The following TMEM132D variants were observed in gnomAD, a reference collection of about 807,000 sequenced individuals.
TMEM132D encodes transmembrane protein 132D, also known as mature OL transmembrane protein.
TMEM132D carries 21 observed loss-of-function variants against 62.3 expected under a neutral mutation model. The ratio of observed to expected loss-of-function variants is 0.34; its 90% CI spans 0.24 to 0.49. TMEM132D has a LOEUF of 0.49. TMEM132D is among the 20% of genes least tolerant of loss of function. The probability of loss-of-function intolerance (pLI) is 0.99; values close to 1 mark genes in which losing one functional copy is unlikely to be tolerated. For synonymous variants in TMEM132D, 621 were observed against 575.6 expected, an observed-to-expected ratio of 1.08 and a Z score of -1.13; for missense variants, 1,346 against 1,402.8, an observed-to-expected ratio of 0.96 and a Z score of 0.65.
At chr12:129,496,671 A>T (rs950149415) in intron 3 of TMEM132D, among the ~76,000 whole-genome samples, 1 of 29,438 alleles carries the variant, frequency 3.4e-5, no homozygotes, top group Non-Finnish European at 5.6e-5. Context: ...AACTTACATT[A>T]AAAAAAAAAT....
intron 1 of TMEM132D, among the ~76,000 whole-genome samples, chr12:129,767,837 A>C (rs1414090400): frequency 1.3e-5 from 2 of 152,188 alleles, no homozygotes; most frequent in Non-Finnish European, 2.9e-5. Flanking sequence ...AAGACTTGGT[A>C]ATTCACAAGG....
intron 4 of TMEM132D, among the ~76,000 whole-genome samples, chr12:129,300,454 T>C (rs1405240849): frequency 6.6e-6 from 1 of 152,222 alleles, no homozygotes; most frequent in Non-Finnish European, 1.5e-5. Context: ...ACACGTGCAA[T>C]GCACCTGTTA....
In TMEM132D at chr12:129,643,104, T is replaced by C. The variant is rs1048215913; in HGVS notation, c.968+56706A>G. Among the ~76,000 whole-genome samples the C allele has an allele frequency of 3.3e-5, 5 of 152,104 alleles. No individual in the cohort carries two copies. In the East Asian group the frequency reaches 5.8e-4, roughly 18 times the overall value. ...CACGCCCGACTAATTTTCGTATTTT[T>C]AGTAGAGACGGAGTTTTACCATGTT... On this transcript the variant is annotated intron_variant, in intron 2 of 8. Transcript: ENST00000422113.
At chr12:129,263,026 C>G (rs1880593033) in intron 4 of TMEM132D, among the ~76,000 whole-genome samples, 1 of 152,170 alleles carries the variant, frequency 6.6e-6, no homozygotes. Flanking sequence ...AAAGTCGCGT[C>G]TGAGAACGTA....
intron 5 of TMEM132D, among the ~76,000 whole-genome samples, chr12:129,109,309 T>C (rs1287463447): frequency 6.6e-6 from 1 of 152,194 alleles, no homozygotes; most frequent in Non-Finnish European, 1.5e-5. Context: ...TGTGTGACCT[T>C]GGACAAGTCA....
intron 5 of TMEM132D, among the ~76,000 whole-genome samples, chr12:129,146,052 A>G (rs770404807): frequency 6.7e-6 from 1 of 150,114 alleles, no homozygotes; most frequent in Non-Finnish European, 1.5e-5. Flanking sequence ...GCTAATTAGC[A>G]TAACCATCAC....
chr12:129,303,756 T>C (rs921212764), intron 4 of TMEM132D, among the ~76,000 whole-genome samples: 2 of 151,848 alleles, frequency 1.3e-5, no homozygotes, highest in Non-Finnish European at 2.9e-5. Flanking sequence ...TGATCTACCA[T>C]TGGCAAGCTG....
At chr12:129,686,477 C>T (rs1593119920) in intron 2 of TMEM132D, among the ~76,000 whole-genome samples, 1 of 152,264 alleles carries the variant, frequency 6.6e-6, no homozygotes, top group East Asian at 1.9e-4. Context: ...CCTGAGGCCT[C>T]CCCAGTCCTG....
intron 3 of TMEM132D, among the ~76,000 whole-genome samples, chr12:129,499,349 A>C (rs76698368): frequency 2.1e-3 from 325 of 152,332 alleles, no homozygotes; most frequent in African/African-American, 7.6e-3. Context: ...AACTTGTTGA[A>C]CCAGGGGAAT....
intron 2 of TMEM132D, among the ~76,000 whole-genome samples, chr12:129,591,719 C>T (rs2137135372): frequency 6.6e-6 from 1 of 151,680 alleles, no homozygotes; most frequent in Middle Eastern, 3.4e-3. Context: ...GCTTTTTTCC[C>T]CCTCTAATGA....
intron 3 of TMEM132D, among the ~76,000 whole-genome samples, chr12:129,510,777 T>G (rs1381669623): frequency 6.6e-6 from 1 of 152,170 alleles, no homozygotes; most frequent in African/African-American, 2.4e-5. Context: ...TTTTGCCATT[T>G]CTTTCAGCAC....
chr12:129,774,341 A>G (rs1328760510), intron 1 of TMEM132D, among the ~76,000 whole-genome samples: 1 of 152,128 alleles, frequency 6.6e-6, no homozygotes, highest in Non-Finnish European at 1.5e-5. Flanking sequence ...CCCACCCTTC[A>G]GATCTCAAGG....
intron 4 of TMEM132D, among the ~76,000 whole-genome samples, chr12:129,308,262 T>C (rs1344840104): frequency 6.6e-6 from 1 of 152,216 alleles, no homozygotes; most frequent in African/African-American, 2.4e-5. Flanking sequence ...TCCTTCTCTG[T>C]CTCCTACATC....
At chr12:129,187,373 G>A (rs1878247989) in intron 5 of TMEM132D, among the ~76,000 whole-genome samples, 1 of 152,200 alleles carries the variant, frequency 6.6e-6, no homozygotes, top group South Asian at 2.1e-4. Context: ...GAGGAGGGAT[G>A]GGAGAACATT....
chr12:129,171,813 C>A (rs1056418031), intron 5 of TMEM132D, among the ~76,000 whole-genome samples: 1 of 152,160 alleles, frequency 6.6e-6, no homozygotes, highest in Admixed American at 6.5e-5. Context: ...AGATACGCTG[C>A]GATACAGGCT....
At chr12:129,316,122 GT>G (rs1411567504) in intron 4 of TMEM132D, among the ~76,000 whole-genome samples, 1 of 151,734 alleles carries the variant, frequency 6.6e-6, no homozygotes, top group African/African-American at 2.4e-5. Context: ...TTGTATTTTT[GT>G]TGTTGTTCTT....
At chr12:129,242,273 A>G (rs923533303) in intron 4 of TMEM132D, among the ~76,000 whole-genome samples, 3 of 152,252 alleles carry the variant, frequency 2.0e-5, no homozygotes, top group African/African-American at 7.2e-5. Flanking sequence ...GTTTTCAACC[A>G]AGAAGAGGAG....
At chr12:129,678,112 TA>T (rs199868499) in intron 2 of TMEM132D, among the ~76,000 whole-genome samples, 31,929 of 152,090 alleles carry the variant, frequency 0.21, 3,517 homozygotes, top group East Asian at 0.39. Flanking sequence ...TTTGTTGATA[TA>T]AACAGTGCTT....
At chr12:129,483,055 C>T (rs535659688) in intron 3 of TMEM132D, among the ~76,000 whole-genome samples, 1 of 151,758 alleles carries the variant, frequency 6.6e-6, no homozygotes, top group South Asian at 2.1e-4. Flanking sequence ...CTGCGAAATT[C>T]AAATGACCTG....
Sources: gnomAD v4.1 joint callset for allele counts (sites outside exome capture counted in the v4.1 genomes callset) on GRCh38, gnomAD v4.1.1 for gene constraint, MANE v1.5 for transcripts, NCBI Gene and HGNC (gene_info 2026-07-23, HGNC 2026-07-21) for gene names.